Variants in SHANK2 observed in about 807,000 individuals in gnomAD.
SHANK2 encodes SH3 and multiple ankyrin repeat domains 2.
In SHANK2, 43 loss-of-function variants were observed where a neutral mutation model predicts 133.7. The observed-to-expected ratio is 0.32, with a 90% CI of 0.25 to 0.41. SHANK2 has a LOEUF of 0.41. Ranked by LOEUF, SHANK2 falls within the 10% of genes least tolerant of loss-of-function variation. SHANK2 has a pLI of 1.00. For missense variants in SHANK2, 1,994 were observed against 2,235.8 expected (o/e 0.89, Z 2.18); for synonymous variants, 1,017 against 952.8 (o/e 1.07, Z -1.24).
At chr11:70,835,915 T>G (rs1040195056) in intron 11 of SHANK2, among the ~76,000 whole-genome samples, 1 of 152,028 alleles carries the variant, frequency 6.6e-6, no homozygotes, top group East Asian at 1.9e-4. Flanking sequence ...CTCTCGGACC[T>G]CAGTGGAGGC....
intron 2 of SHANK2, among the ~76,000 whole-genome samples, chr11:71,179,226 A>G (rs1953505119): frequency 6.6e-6 from 1 of 152,240 alleles, no homozygotes; most frequent in African/African-American, 2.4e-5. Context: ...AGGATATTTC[A>G]TAACCAAGTG....
At chr11:71,085,725 TAA>T (rs1338500648) in intron 8 of SHANK2, among the ~76,000 whole-genome samples, 5 of 55,380 alleles carry the variant, frequency 9.0e-5, no homozygotes, top group African/African-American at 1.2e-4. Context: ...TTATATTATA[TAA>T]AATATAATAT....
chr11:70,791,858 T>C lies in SHANK2; in HGVS notation c.1777+6585A>G, dbSNP rs114618006. Among the ~76,000 whole-genome samples, 1,392 of 152,330 alleles carry C rather than the reference T, an allele frequency of 9.1e-3. 14 individuals are homozygous for C. Among genetic ancestry groups the C allele is most frequent in the African/African-American group, 0.031 (1,298 of 41,578 alleles). ...ATGCTGAGATGGGGATGCTCATGTGTACAATGCAGGTGATGATTCCTGCCC... is the reference window on the plus strand; with the variant it reads ...ATGCTGAGATGGGGATGCTCATGTGCACAATGCAGGTGATGATTCCTGCCC... On this transcript the variant is annotated intron_variant, in intron 14 of 25. Transcript: ENST00000601538.
intron 11 of SHANK2, chr11:70,872,346 G>A (rs1949481128): frequency 6.5e-6 from 1 of 154,422 alleles, no homozygotes; most frequent in Non-Finnish European, 1.5e-5. Flanking sequence ...TGAAGACAGA[G>A]TTCCCTACCT....
chr11:70,710,470 CGAGG>C (rs1299609506), intron 14 of SHANK2, among the ~76,000 whole-genome samples: 2 of 152,196 alleles, frequency 1.3e-5, no homozygotes, highest in African/African-American at 4.8e-5. Context: ...ATGAGGCCGG[CGAGG>C]GAGGCAGAAC....
At chr11:71,139,050 C>A (rs1952502758) in intron 3 of SHANK2, among the ~76,000 whole-genome samples, 1 of 152,060 alleles carries the variant, frequency 6.6e-6, no homozygotes, top group Admixed American at 6.5e-5. Flanking sequence ...GTTGGCAGTG[C>A]AAATGCTTTT....
rs1555154546 is a variant in SHANK2 at position 70,487,541 on chromosome 11, C to T, written c.2752G>A (p.Gly918Arg). ...TGATTGAACGCAGGCTTAATCGTCC[C>T]GTAGACTCTTGGAGTTGGGGACTTG... ...CPKSPTPRVYGTIKPAFNQNS... is the reference protein window; with the variant it reads ...CPKSPTPRVYRTIKPAFNQNS... Residue 918 changes from glycine (G) to arginine (R), a missense_variant, in exon 25 of 26, where the codon GGG (glycine) becomes AGG (arginine). Gly to Arg is a moderately radical substitution (Grantham distance 125). Around this residue, in one of 5 missense-constraint regions of SHANK2, gnomAD observed 488 missense variants for 642.6 expected, o/e 0.76. Coordinates refer to ENST00000601538, the MANE Select transcript of SHANK2 (RefSeq NM_012309.5). The surrounding 1 kb of genome is among the most constrained non-coding windows in gnomAD (Gnocchi z 5.8). 10 of 1,613,338 alleles carry T rather than the reference C, an allele frequency of 6.2e-6. No individual in the cohort carries two copies. The highest frequency in any genetic ancestry group is 1.6e-4 in the Middle Eastern group (1 of 6,062).
chr11:70,893,036 G>A (rs1206824971), intron 11 of SHANK2, among the ~76,000 whole-genome samples: 2 of 152,102 alleles, frequency 1.3e-5, no homozygotes, highest in African/African-American at 4.8e-5. Context: ...TCACCTCAAG[G>A]TCAGCTTCTA....
chr11:70,787,321 C>T (rs886294443), intron 14 of SHANK2, among the ~76,000 whole-genome samples: 1 of 149,330 alleles, frequency 6.7e-6, no homozygotes, highest in African/African-American at 2.5e-5. Context: ...CCATCATCAC[C>T]ATGACCACCA....
intron 17 of SHANK2, among the ~76,000 whole-genome samples, chr11:70,618,057 G>C (rs114260642): frequency 0.07 from 10,585 of 152,158 alleles, 465 homozygotes; most frequent in South Asian, 0.083. Flanking sequence ...CAGCACTTTG[G>C]GGGGCGAGGC....
intron 21 of SHANK2, among the ~76,000 whole-genome samples, chr11:70,495,295 G>A (rs1410725128): frequency 1.3e-5 from 2 of 152,182 alleles, no homozygotes; most frequent in African/African-American, 4.8e-5. Context: ...CCCTCCCAGG[G>A]CTGGGCTGGG....
intron 14 of SHANK2, among the ~76,000 whole-genome samples, chr11:70,711,326 A>G (rs942642793): frequency 1.2e-4 from 18 of 152,196 alleles, no homozygotes; most frequent in African/African-American, 4.1e-4. Flanking sequence ...CTGCACCCGA[A>G]CGCCTCCCTC....
intron 14 of SHANK2, among the ~76,000 whole-genome samples, chr11:70,735,639 G>T (rs1325601718): frequency 1.3e-5 from 2 of 151,600 alleles, no homozygotes; most frequent in African/African-American, 4.9e-5. Flanking sequence ...AGGAGGTGGA[G>T]GTTGCAGTGA....
chr11:70,878,050 G>C (rs1590788849), intron 11 of SHANK2, among the ~76,000 whole-genome samples: 1 of 152,258 alleles, frequency 6.6e-6, no homozygotes, highest in East Asian at 1.9e-4. Context: ...TTCTGAGAAT[G>C]GCTCAGCCGC....
chr11:71,229,735 G>A (rs1240670818), intron 1 of SHANK2, among the ~76,000 whole-genome samples: 3 of 145,844 alleles, frequency 2.1e-5, no homozygotes, highest in African/African-American at 7.7e-5. Flanking sequence ...ACTCTAGCCT[G>A]GCAACAGAGT....
intron 6 of SHANK2, among the ~76,000 whole-genome samples, chr11:71,100,665 G>A (rs1951702516): frequency 6.6e-6 from 1 of 152,098 alleles, no homozygotes; most frequent in Admixed American, 6.5e-5. Context: ...TCAGGAGATC[G>A]AGACCATCCT....
At chr11:70,650,734 A>G (rs2061330563) in intron 17 of SHANK2, among the ~76,000 whole-genome samples, 1 of 152,018 alleles carries the variant, frequency 6.6e-6, no homozygotes, top group Non-Finnish European at 1.5e-5. Flanking sequence ...AACCTCACTT[A>G]CCCATCAAAG....
At chr11:70,526,533 C>T (rs776218006) in intron 17 of SHANK2, among the ~76,000 whole-genome samples, 1 of 152,188 alleles carries the variant, frequency 6.6e-6, no homozygotes, top group African/African-American at 2.4e-5. Flanking sequence ...AGCGCACACG[C>T]GTCAGGGCCC....
chr11:70,636,471 GTA>G (rs1184182495), intron 17 of SHANK2, among the ~76,000 whole-genome samples: 2 of 152,024 alleles, frequency 1.3e-5, no homozygotes, highest in African/African-American at 4.8e-5. Flanking sequence ...GAGCATCTGT[GTA>G]TGTGTAAGCA....
Sources: gnomAD v4.1 joint callset for allele counts (sites outside exome capture counted in the v4.1 genomes callset) on GRCh38, gnomAD v4.1.1 for gene constraint, gnomAD v4.1.1 regional missense constraint, Gnocchi (gnomAD v3.1) non-coding constraint, MANE v1.5 for transcripts, NCBI Gene and HGNC (gene_info 2026-07-23, HGNC 2026-07-21) for gene names.